Variants in LCMT1 observed in about 807,000 individuals in gnomAD.
LCMT1 encodes the protein [Phosphatase 2A protein]-leucine-carboxy methyltransferase 1.
Under a neutral mutation model 47.7 loss-of-function variants are expected in LCMT1, and 32 were observed. The ratio of observed to expected loss-of-function variants is 0.67; its 90% CI spans 0.51 to 0.90. The LOEUF (loss-of-function observed/expected upper bound fraction) is 0.90, where lower values mean the gene tolerates loss of function less well. Ranked by LOEUF, LCMT1 falls within the 40% of genes least tolerant of loss-of-function variation. The pLI is 0.00. For missense variants in LCMT1, 375 were observed against 415.2 expected (o/e 0.90, Z 0.84); for synonymous variants, 152 against 149.7 (o/e 1.02, Z -0.11).
rs560333122 is a variant in LCMT1 at position 25,162,602 on chromosome 16, AAG to A, written c.569+1400_569+1401del. Among the ~76,000 whole-genome samples, 982 of 147,422 alleles carry A rather than the reference AAG, an allele frequency of 6.7e-3. 12 individuals carry two copies. Among genetic ancestry groups the A allele is most frequent in the African/African-American group, 0.023 (892 of 37,976 alleles). On this transcript the variant is annotated intron_variant, in intron 6 of 10. Coordinates refer to ENST00000399069, the MANE Select transcript of LCMT1 (RefSeq NM_016309.3). ...AGACTCCATCTCAAAAAAAAAAAAAAAGAAAAGAAAAGAAAAAGAAAAATGTG... is the reference window on the plus strand; with the variant it reads ...AGACTCCATCTCAAAAAAAAAAAAAAAAAAGAAAAGAAAAAGAAAAATGTG...
chr16:25,152,029 A>T (rs1961098104), intron 5 of LCMT1, among the ~76,000 whole-genome samples: 1 of 152,152 alleles, frequency 6.6e-6, no homozygotes, highest in Non-Finnish European at 1.5e-5. Flanking sequence ...TCCCATGTAT[A>T]AAAAAATGGC....
intron 1 of LCMT1, among the ~76,000 whole-genome samples, chr16:25,113,590 A>G (rs1367803983): frequency 6.6e-6 from 1 of 152,224 alleles, no homozygotes; most frequent in Non-Finnish European, 1.5e-5. Context: ...TAAATTAATA[A>G]ATACACAAGT....
chr16:25,121,598 A>G (rs1196758094), intron 1 of LCMT1, among the ~76,000 whole-genome samples: 1 of 152,130 alleles, frequency 6.6e-6, no homozygotes, highest in East Asian at 1.9e-4. Context: ...CTCAGTTCCC[A>G]TTGCTGGAGA....
chr16:25,166,118 A>G, intron 7 of LCMT1, among the ~76,000 whole-genome samples: 1 of 151,780 alleles, frequency 6.6e-6, no homozygotes, highest in East Asian at 2.0e-4. Flanking sequence ...AAAAATACAA[A>G]AATTAGCCAG....
At chr16:25,125,608 GCGGA>G (rs1960145534) in intron 1 of LCMT1, among the ~76,000 whole-genome samples, 1 of 152,032 alleles carries the variant, frequency 6.6e-6, no homozygotes, top group Non-Finnish European at 1.5e-5. Context: ...GCTGAGGCGG[GCGGA>G]TCACGACATC....
intron 5 of LCMT1, 88 bp from the exon 6 acceptor site, chr16:25,160,998 TAACAATGATGCATGTA>T: frequency 1.4e-6 from 1 of 690,558 alleles, no homozygotes; most frequent in Non-Finnish European, 2.4e-6. Flanking sequence ...TTTTTTTTTT[TAACAATGATGCATGTA>T]TTTTTATAGT....
At chr16:25,174,879 C>T (rs971943299) in intron 9 of LCMT1, 58 bp from the exon 10 acceptor site, 76 of 833,686 alleles carry the variant, frequency 9.1e-5, no homozygotes, top group Non-Finnish European at 1.3e-4. Flanking sequence ...AGCTATGGGC[C>T]ATGATCTTCA....
chr16:25,120,752 GTT>G (rs377043606), intron 1 of LCMT1, among the ~76,000 whole-genome samples: 1,965 of 114,470 alleles, frequency 0.017, 58 homozygotes, highest in African/African-American at 0.063. Flanking sequence ...TTTTTTTTTT[GTT>G]TTTTTTTTTT....
intron 3 of LCMT1, among the ~76,000 whole-genome samples, chr16:25,136,087 T>C (rs1960494789): frequency 8.5e-6 from 1 of 117,976 alleles, no homozygotes; most frequent in Non-Finnish European, 1.7e-5. Context: ...CGAGATGCTG[T>C]CTCAAAAAAA....
intron 1 of LCMT1, among the ~76,000 whole-genome samples, chr16:25,113,034 G>C (rs558895482): frequency 1.3e-5 from 2 of 151,784 alleles, no homozygotes; most frequent in African/African-American, 4.8e-5. Flanking sequence ...CCAGCTACTC[G>C]GGAGGCTGAG....
intron 2 of LCMT1, 155 bp from the exon 3 acceptor site, chr16:25,132,247 G>T: frequency 2.3e-6 from 2 of 853,878 alleles, no homozygotes; most frequent in Non-Finnish European, 3.5e-6. Context: ...AAATTTGAAA[G>T]TTGCTGTTTC....
intron 3 of LCMT1, among the ~76,000 whole-genome samples, chr16:25,136,267 G>GGT (rs1460562183): frequency 1.3e-5 from 2 of 151,614 alleles, no homozygotes; most frequent in Non-Finnish European, 2.9e-5. Flanking sequence ...TCTGTGAGGT[G>GGT]GTCAGCCATG....
chr16:25,134,897 G>A (rs1044885055), intron 3 of LCMT1, among the ~76,000 whole-genome samples: 11 of 152,138 alleles, frequency 7.2e-5, no homozygotes, highest in African/African-American at 2.7e-4. Context: ...CACTATGCTC[G>A]GCTGACCTGT....
chr16:25,128,548 G>T lies in LCMT1; in HGVS notation c.187G>T (p.Ala63Ser). The change falls in exon 2 of 11, where the codon GCC (alanine) becomes TCC (serine). Residue 63 changes from alanine (A) to serine (S), a missense_variant. By Grantham distance (99) the Ala-to-Ser change is moderately conservative. Coordinates refer to ENST00000399069, the MANE Select transcript of LCMT1 (RefSeq NM_016309.3). ...TGTGAGACTGTCTAAAGAGAGGAAA[G>T]CCCCTGAAATCAACAGAGGCAAGTG... ...HFVRLSKERK[A>S]PEINRGYFAR... The T allele has an allele frequency of 6.2e-7, 1 of 1,603,806 alleles. No individual in the cohort carries two copies. Among genetic ancestry groups the T allele is most frequent in the Non-Finnish European group, 8.5e-7 (1 of 1,174,860 alleles).
chr16:25,121,793 G>T (rs1959998305), intron 1 of LCMT1, among the ~76,000 whole-genome samples: 1 of 152,180 alleles, frequency 6.6e-6, no homozygotes, highest in Non-Finnish European at 1.5e-5. Context: ...ACTTGGTCCT[G>T]CTTTTGACAT....
At position 25,174,931 on chromosome 16, in the gene LCMT1, C is replaced by G. The variant is rs779625017; in HGVS notation, c.885-6C>G. The G allele has an allele frequency of 1.2e-5, 19 of 1,533,618 alleles. No individual in the cohort carries two copies. In the East Asian group the frequency reaches 4.3e-4, roughly 35 times the overall value. On this transcript the variant is annotated splice_region_variant and splice_polypyrimidine_tract_variant and intron_variant, in intron 9 of 10. Coordinates refer to ENST00000399069, the MANE Select transcript of LCMT1 (RefSeq NM_016309.3). ...TTGCATCGTTCTATTTTAATTCTTT[C>G]CACAGGATAGAATCACTTGAATTCC...
chr16:25,122,469 C>T (rs182927214), intron 1 of LCMT1, among the ~76,000 whole-genome samples: 115 of 151,692 alleles, frequency 7.6e-4, no homozygotes, highest in Admixed American at 2.4e-3. Context: ...CTACCATGCC[C>T]GGCTGTGTTT....
At chr16:25,164,191 T>C (rs1961517787) in intron 6 of LCMT1, among the ~76,000 whole-genome samples, 1 of 152,134 alleles carries the variant, frequency 6.6e-6, no homozygotes, top group South Asian at 2.1e-4. Context: ...GCTTGCATCA[T>C]GTTTGCTACT....
chr16:25,139,937 C>T, intron 3 of LCMT1: 1 of 510,746 alleles, frequency 2.0e-6, no homozygotes, highest in South Asian at 2.4e-5. Flanking sequence ...CCTTCCTGGA[C>T]CTTACCTTCT....
Sources: allele counts gnomAD v4.1 joint callset (sites outside exome capture counted in the v4.1 genomes callset), GRCh38; gene constraint gnomAD v4.1.1; transcripts MANE v1.5; gene names NCBI Gene and HGNC (gene_info 2026-07-23, HGNC 2026-07-21).